MED13: variants seen among roughly 807,000 people sequenced by gnomAD.
The protein encoded by MED13 is mediator of RNA polymerase II transcription subunit 13.
In MED13, 23 loss-of-function variants were observed where a neutral mutation model predicts 225.2. The ratio of observed to expected loss-of-function variants is 0.10; its 90% CI spans 0.07 to 0.14. The LOEUF is 0.14. Among genes scored for constraint, MED13 ranks in the 10% least tolerant of loss-of-function variants. The probability of loss-of-function intolerance (pLI) is 1.00; values close to 1 mark genes in which losing one functional copy is unlikely to be tolerated. For synonymous variants in MED13, 942 were observed against 889.2 expected (o/e 1.06, Z -1.06); for missense variants, 2,197 against 2,594.5 (o/e 0.85, Z 3.33).
intron 9 of MED13, chr17:62,007,317 T>C (rs1384834696): frequency 6.6e-6 from 1 of 152,020 alleles, no homozygotes; most frequent in Admixed American, 6.6e-5. Flanking sequence ...AATAAAGTAA[T>C]TCTAGAGAAA....
At position 62,016,100 on chromosome 17, in the gene MED13, G is replaced by C. The variant is rs1291569193; in HGVS notation, c.1284-4867C>G. On this transcript the variant is annotated intron_variant, in intron 8 of 29. Coordinates refer to ENST00000397786, the MANE Select transcript of MED13 (RefSeq NM_005121.3). ...ATTACAGGCATGAGCCACTCACCCAGCCTGAACTTTGTAAAAGAGCATTTT... is the reference window on the plus strand; with the variant it reads ...ATTACAGGCATGAGCCACTCACCCACCCTGAACTTTGTAAAAGAGCATTTT... 2.1e-5 allele frequency among the ~76,000 whole-genome samples: 3 copies of C among 141,224 alleles called. No individual in the cohort carries two copies. The East Asian group carries it at 6.2e-4, about 29-fold the overall frequency. The allele number at this position is 141,224 out of a possible 152,430, so 92.6% of individuals were successfully genotyped here. A position where few individuals can be genotyped will look rare whatever the true frequency, so the allele number is the denominator to read the frequency against.
intron 3 of MED13, among the ~76,000 whole-genome samples, chr17:62,047,303 G>A (rs1389006342): frequency 1.3e-5 from 2 of 152,070 alleles, no homozygotes; most frequent in Admixed American, 6.6e-5. Context: ...TCCAGGAGGT[G>A]GAGGTTGCAG....
intron 20 of MED13, among the ~76,000 whole-genome samples, 179 bp downstream of exon 20, chr17:61,964,827 T>G (rs2080040338): frequency 1.3e-5 from 2 of 151,788 alleles, no homozygotes; most frequent in South Asian, 4.1e-4. Context: ...TTCCAGCTAC[T>G]AGGGAGGCTG....
At chr17:61,987,568 C>A (rs907884233) in intron 11 of MED13, among the ~76,000 whole-genome samples, 1 of 151,738 alleles carries the variant, frequency 6.6e-6, no homozygotes, top group Non-Finnish European at 1.5e-5. Context: ...TGTTTAAAAT[C>A]GAGAAAGTGT....
At chr17:62,045,377 C>T (rs2080889406) in intron 3 of MED13, among the ~76,000 whole-genome samples, 2 of 152,090 alleles carry the variant, frequency 1.3e-5, no homozygotes, top group South Asian at 4.1e-4. Flanking sequence ...AAGTTCTTGG[C>T]CAGGCGTGGT....
intron 16 of MED13, among the ~76,000 whole-genome samples, chr17:61,979,175 C>T (rs2080182368): frequency 6.6e-6 from 1 of 152,158 alleles, no homozygotes; most frequent in African/African-American, 2.4e-5. Context: ...ATGTAATCTT[C>T]TGGGACTTGT....
chr17:61,953,152 T>G (rs2079911399), intron 26 of MED13, 39 bp from the exon 27 acceptor site: 6 of 1,588,092 alleles, frequency 3.8e-6, no homozygotes, highest in Non-Finnish European at 4.3e-6. Context: ...AACTCCATTT[T>G]CCATATCCTA....
At chr17:61,998,595 CCTTT>C (rs1228179006) in intron 9 of MED13, among the ~76,000 whole-genome samples, 5 of 139,962 alleles carry the variant, frequency 3.6e-5, no homozygotes, top group East Asian at 2.0e-4. Flanking sequence ...CTTCCCACCG[CCTTT>C]TTTTTTTTTT....
In MED13 at chr17:61,982,496, G is replaced by A; in HGVS notation, c.3507C>T (p.Thr1169=). The A allele has an allele frequency of 1.2e-6, 2 of 1,614,162 alleles. No individual in the cohort carries two copies. Among genetic ancestry groups the A allele is most frequent in the South Asian group, 1.1e-5 (1 of 91,070 alleles). The change falls in exon 16 of 30, where the codon ACC becomes ACT. Residue 1169 remains threonine, a synonymous_variant. Transcript: ENST00000397786. Reference sequence around the variant, plus strand: ...GTCCTCCATTAACATGTTCAGCAGAGGTAGCCCTGAGAGCTTCAAAACGTT... The same window carrying A: ...GTCCTCCATTAACATGTTCAGCAGAAGTAGCCCTGAGAGCTTCAAAACGTT... ...AEKRFEALRA[T]SAEHVNGGLK...
chr17:62,019,822 C>A (rs2080620910), intron 8 of MED13, among the ~76,000 whole-genome samples: 1 of 151,516 alleles, frequency 6.6e-6, no homozygotes, highest in Non-Finnish European at 1.5e-5. Context: ...CGGCTTACTG[C>A]AAGCTCTGCC....
chr17:62,020,498 T>G (rs2080629839), intron 8 of MED13, among the ~76,000 whole-genome samples: 3 of 152,074 alleles, frequency 2.0e-5, no homozygotes, highest in Admixed American at 6.6e-5. Flanking sequence ...TGCCTCAGCC[T>G]CCCAAGTAGC....
At chr17:61,973,617 T>C (rs188347605) in intron 16 of MED13, among the ~76,000 whole-genome samples, 51 of 152,224 alleles carry the variant, frequency 3.4e-4, no homozygotes, top group Non-Finnish European at 4.0e-4. Context: ...ACAGTTATAT[T>C]AAATTATTCA....
intron 11 of MED13, among the ~76,000 whole-genome samples, chr17:61,988,986 A>G (rs1053376410): frequency 6.7e-6 from 1 of 149,268 alleles, no homozygotes. Context: ...GGTAATCACC[A>G]CTTTACTTTC....
rs62070672 is a variant in MED13 at position 62,039,930 on chromosome 17, A to G, written c.471-4322T>C. ...TTTTTTAAGAGATGGCAGTCTCCCT[A>G]TGTTACCCAGGATGGAGTGCAGTGG... On this transcript the variant is annotated intron_variant, in intron 3 of 29. Transcript: ENST00000397786. 8.3e-3 allele frequency among the ~76,000 whole-genome samples: 1,254 copies of G among 151,564 alleles called. 8 individuals carry two copies. The highest frequency in any genetic ancestry group is 0.013 in the Non-Finnish European group (849 of 67,812).
At chr17:62,015,959 T>TATATATATATATA (rs1467468461) in intron 8 of MED13, among the ~76,000 whole-genome samples, 1 of 9,376 alleles carries the variant, frequency 1.1e-4, no homozygotes, top group East Asian at 3.9e-3. Flanking sequence ...TATATATTTT[T>TATATATATATATA]TTTTTTTTTT....
intron 11 of MED13, among the ~76,000 whole-genome samples, chr17:61,989,035 A>G (rs1481841174): frequency 2.0e-5 from 3 of 148,068 alleles, no homozygotes; most frequent in African/African-American, 7.5e-5. Flanking sequence ...TTTTTGAGAC[A>G]GAGTCTCGCT....
Position 61,965,096 on chromosome 17 carries a change from C to A in MED13, c.4754G>T (p.Gly1585Val), listed in dbSNP as rs761841509. 1 of 1,614,168 alleles carries A rather than the reference C, an allele frequency of 6.2e-7. No homozygotes were observed. The highest frequency in any genetic ancestry group is 1.3e-5 in the African/African-American group (1 of 75,024). Reference protein sequence around the residue: ...QANTVQSGQLGGQQTSALQTA... With the variant: ...QANTVQSGQLVGQQTSALQTA... ...CTGTAGAGCTGATGTCTGTTGCCCTCCTAGCTGACCACTCTGAACTGTATT... is the reference window on the plus strand; with the variant it reads ...CTGTAGAGCTGATGTCTGTTGCCCTACTAGCTGACCACTCTGAACTGTATT... Residue 1585 changes from glycine (G) to valine (V), a missense_variant, in exon 20 of 30, where the codon GGA (glycine) becomes GTA (valine). Around this residue, in one of 12 missense-constraint regions of MED13, gnomAD observed 457 missense variants for 442.2 expected, o/e 1.03. Coordinates refer to ENST00000397786, the MANE Select transcript of MED13 (RefSeq NM_005121.3).
chr17:61,983,162 A>G, intron 15 of MED13, 48 bp from the exon 16 acceptor site: 1 of 1,391,640 alleles, frequency 7.2e-7, no homozygotes, highest in Non-Finnish European at 9.6e-7. Flanking sequence ...ATAAAGGAAC[A>G]TATTAGTAAT....
intron 16 of MED13, among the ~76,000 whole-genome samples, chr17:61,976,669 T>A (rs2080159171): frequency 6.6e-6 from 1 of 152,148 alleles, no homozygotes; most frequent in Admixed American, 6.5e-5. Context: ...GTGCGGTGGC[T>A]CACACTTGTA....
Sources: allele counts gnomAD v4.1 joint callset (sites outside exome capture counted in the v4.1 genomes callset), GRCh38; gene constraint gnomAD v4.1.1; regional missense constraint gnomAD v4.1.1; transcripts MANE v1.5; gene names NCBI Gene and HGNC (gene_info 2026-07-23, HGNC 2026-07-21).